Variants in ADAMTSL1 observed in about 807,000 individuals in gnomAD.
ADAMTSL1 encodes ADAMTS like 1.
In ADAMTSL1, 126 loss-of-function variants were observed where a neutral mutation model predicts 201.8. The ratio of observed to expected loss-of-function variants is 0.62; its 90% confidence interval spans 0.54 to 0.72. The LOEUF (loss-of-function observed/expected upper bound fraction) is 0.72, where lower values mean the gene tolerates loss of function less well. Ranked by LOEUF, ADAMTSL1 falls within the 30% of genes least tolerant of loss-of-function variation. ADAMTSL1 has a pLI of 0.00. For synonymous variants in ADAMTSL1, 1,121 were observed against 903.4 expected (o/e 1.24, Z -4.32); for missense variants, 2,679 against 2,277.8 (o/e 1.18, Z -3.59).
At chr9:18,708,152 C>T (rs1414714696) in intron 14 of ADAMTSL1, among the ~76,000 whole-genome samples, 1 of 152,152 alleles carries the variant, frequency 6.6e-6, no homozygotes, top group Non-Finnish European at 1.5e-5. Context: ...TTTTCTAAAC[C>T]ATGATATTTT....
At chr9:18,866,596 AAGCACATT>A in intron 23 of ADAMTSL1, among the ~76,000 whole-genome samples, 1 of 152,206 alleles carries the variant, frequency 6.6e-6, no homozygotes, top group Non-Finnish European at 1.5e-5. Context: ...TGCTTATTAG[AAGCACATT>A]CCCTGAGGTC....
At chr9:18,216,552 A>G (rs189275295) in intron 2 of ADAMTSL1, among the ~76,000 whole-genome samples, 1 of 152,224 alleles carries the variant, frequency 6.6e-6, no homozygotes, top group African/African-American at 2.4e-5. Flanking sequence ...TCCCTCTGAC[A>G]GGTAAGGCCC....
intron 7 of ADAMTSL1, among the ~76,000 whole-genome samples, chr9:18,653,463 G>A (rs534065320): frequency 6.6e-6 from 1 of 152,204 alleles, no homozygotes; most frequent in South Asian, 2.1e-4. Context: ...AAGGGTTGTG[G>A]GCAGCATTAA....
intron 5 of ADAMTSL1, among the ~76,000 whole-genome samples, chr9:18,628,077 C>A (rs1826508848): frequency 6.6e-6 from 1 of 152,162 alleles, no homozygotes; most frequent in South Asian, 2.1e-4. Context: ...TTATCTTTCA[C>A]AGAGCAAAAG....
intron 5 of ADAMTSL1, among the ~76,000 whole-genome samples, chr9:18,629,643 G>A (rs2132724589): frequency 6.6e-6 from 1 of 152,250 alleles, no homozygotes; most frequent in East Asian, 1.9e-4. Context: ...TGATTCGGCA[G>A]TATTTTGTTG....
chr9:18,339,348 A>C (rs1331493162), intron 2 of ADAMTSL1, among the ~76,000 whole-genome samples: 2 of 152,220 alleles, frequency 1.3e-5, no homozygotes, highest in Non-Finnish European at 2.9e-5. Flanking sequence ...CAAGCATATG[A>C]AAAACTGCTT....
intron 2 of ADAMTSL1, among the ~76,000 whole-genome samples, chr9:18,339,576 C>T (rs569575583): frequency 6.6e-6 from 1 of 152,274 alleles, no homozygotes; most frequent in South Asian, 2.1e-4. Context: ...AACAAAATTA[C>T]CATTTGTCAC....
At chr9:18,378,688 G>C (rs1417777897) in intron 2 of ADAMTSL1, among the ~76,000 whole-genome samples, 1 of 152,022 alleles carries the variant, frequency 6.6e-6, no homozygotes, top group African/African-American at 2.4e-5. Context: ...TGGCTCTCAT[G>C]ATGCCCACTT....
At chr9:18,394,995 G>C (rs941325689) in intron 2 of ADAMTSL1, among the ~76,000 whole-genome samples, 1 of 152,114 alleles carries the variant, frequency 6.6e-6, no homozygotes, top group Non-Finnish European at 1.5e-5. Flanking sequence ...AAAGATTCTT[G>C]GAAACCTTGG....
intron 1 of ADAMTSL1, among the ~76,000 whole-genome samples, chr9:18,035,326 A>G (rs1440936485): frequency 1.3e-5 from 2 of 152,170 alleles, no homozygotes; most frequent in Non-Finnish European, 2.9e-5. Context: ...AAGAAAAATG[A>G]TGTGCTTCAA....
chr9:18,823,443 A>G lies in ADAMTSL1; in HGVS notation c.3935-2841A>G, dbSNP rs62549129. Among the ~76,000 whole-genome samples the G allele has an allele frequency of 5.7e-3, 871 of 152,324 alleles. 12 individuals carry two copies. Among genetic ancestry groups the G allele is most frequent in the African/African-American group, 0.018 (729 of 41,578 alleles). On this transcript the variant is annotated intron_variant, in intron 21 of 28. Transcript: ENST00000380548. ...TTAGAACGGCATGAGATAGACAGAC[A>G]TCAAGGGAATGGAAGAAGCTTGCAA...
At chr9:18,625,949 A>G (rs965127497) in intron 5 of ADAMTSL1, among the ~76,000 whole-genome samples, 2 of 152,198 alleles carry the variant, frequency 1.3e-5, no homozygotes, top group African/African-American at 4.8e-5. Flanking sequence ...ATGGGTAAAC[A>G]TATTCTTGGA....
intron 13 of ADAMTSL1, among the ~76,000 whole-genome samples, chr9:18,688,748 C>A (rs1179305615): frequency 8.1e-6 from 1 of 123,534 alleles, no homozygotes; most frequent in African/African-American, 3.0e-5. Context: ...GGGAATGCAG[C>A]CCAGCCAGTC....
chr9:17,993,686 T>A (rs1819256405), intron 1 of ADAMTSL1, among the ~76,000 whole-genome samples: 1 of 152,164 alleles, frequency 6.6e-6, no homozygotes, highest in African/African-American at 2.4e-5. Flanking sequence ...GTTGGGGAGA[T>A]CCTTCACATT....
intron 7 of ADAMTSL1, among the ~76,000 whole-genome samples, chr9:18,652,637 T>C (rs540900000): frequency 1.3e-5 from 2 of 152,252 alleles, no homozygotes; most frequent in African/African-American, 2.4e-5. Context: ...TTGTGTTAGA[T>C]GATTTTGCCC....
intron 1 of ADAMTSL1, among the ~76,000 whole-genome samples, chr9:18,021,234 C>T (rs551594816): frequency 6.6e-6 from 1 of 152,246 alleles, no homozygotes; most frequent in South Asian, 2.1e-4. Flanking sequence ...AGTTATAGCA[C>T]TTTTGGCAAG....
At chr9:18,484,727 C>A (rs900641377) in intron 1 of ADAMTSL1, among the ~76,000 whole-genome samples, 1 of 152,156 alleles carries the variant, frequency 6.6e-6, no homozygotes, top group South Asian at 2.1e-4. Context: ...TTAAGCAGGA[C>A]TGTCTTGGCT....
intron 17 of ADAMTSL1, among the ~76,000 whole-genome samples, chr9:18,773,173 A>G (rs1175748077): frequency 1.3e-5 from 2 of 152,186 alleles, no homozygotes; most frequent in African/African-American, 4.8e-5. Flanking sequence ...TTCATCCTCC[A>G]CTATCTGGGC....
chr9:18,252,875 A>T (rs1343455343), intron 2 of ADAMTSL1, among the ~76,000 whole-genome samples: 1 of 152,210 alleles, frequency 6.6e-6, no homozygotes, highest in African/African-American at 2.4e-5. Flanking sequence ...TGACTAAGCT[A>T]TCTAACTTTG....
Sources: allele counts gnomAD v4.1 joint callset (sites outside exome capture counted in the v4.1 genomes callset), GRCh38; gene constraint gnomAD v4.1.1; transcripts MANE v1.5; gene names NCBI Gene and HGNC (gene_info 2026-07-23, HGNC 2026-07-21).